PTPRN2: variants seen among roughly 807,000 people sequenced by gnomAD.
PTPRN2 encodes receptor-type tyrosine-protein phosphatase N2.
PTPRN2 carries 74 observed loss-of-function variants against 118.8 expected under a neutral mutation model. The ratio of observed to expected loss-of-function variants is 0.62; its 90% CI spans 0.52 to 0.76. PTPRN2 has a LOEUF of 0.76. Ranked by LOEUF, PTPRN2 falls within the 30% of genes least tolerant of loss-of-function variation. The pLI, the probability that PTPRN2 is intolerant of heterozygous loss-of-function variation, is 0.00. For missense variants in PTPRN2, 1,481 were observed against 1,394.4 expected (o/e 1.06, Z -0.99); for synonymous variants, 641 against 608.0 (o/e 1.05, Z -0.80).
chr7:158,185,968 G>A lies in PTPRN2; in HGVS notation c.549+6359C>T, dbSNP rs139615082. Among the ~76,000 whole-genome samples, 260 of 151,826 alleles carry A rather than the reference G, an allele frequency of 1.7e-3. 2 individuals are homozygous for A. The highest frequency in any genetic ancestry group is 6.0e-3 in the African/African-American group (249 of 41,412). On this transcript the variant is annotated intron_variant, in intron 5 of 22. Coordinates refer to ENST00000389418, the MANE Select transcript of PTPRN2 (RefSeq NM_002847.5). ...CCCCAGTCTTCAGAAGGCCACATGG[G>A]GCACTCCATAGAGGCCTGGTGCTCC...
chr7:157,645,794 G>A (rs1805032506), intron 14 of PTPRN2, among the ~76,000 whole-genome samples: 1 of 152,288 alleles, frequency 6.6e-6, no homozygotes, highest in South Asian at 2.1e-4. Context: ...CCCCTGCCGT[G>A]GTTACCTTCC....
chr7:158,164,612 C>T (rs1176325375), intron 6 of PTPRN2, among the ~76,000 whole-genome samples: 1 of 152,118 alleles, frequency 6.6e-6, no homozygotes, highest in African/African-American at 2.4e-5. Context: ...CACCCTCACC[C>T]GGCTCTCCAG....
At position 157,568,952 on chromosome 7, in the gene PTPRN2, C is replaced by G; in HGVS notation, c.2852G>C (p.Arg951Pro). Residue 951 changes from arginine (R) to proline (P), a missense_variant, in exon 21 of 23, where the codon CGG (arginine) becomes CCG (proline). Physicochemically the swap from Arg to Pro is moderately radical, Grantham distance 103 (BLOSUM62 -2). Around this residue, in one of 3 missense-constraint regions of PTPRN2, gnomAD observed 362 missense variants for 384.1 expected, o/e 0.94. Coordinates refer to ENST00000389418, the MANE Select transcript of PTPRN2 (RefSeq NM_002847.5). ...GTCGATCAGGACGTAGGTGCCGCTC[C>G]GGCCTGCACCGTCACTGCCAACAGA... ...IIVHCSDGAG[R>P]SGTYVLIDMV... The G allele has an allele frequency of 6.4e-7, 1 of 1,574,254 alleles. No homozygotes were observed. The highest frequency in any genetic ancestry group is 8.7e-7 in the Non-Finnish European group (1 of 1,144,022).
At chr7:158,173,359 G>T (rs77781785) in intron 5 of PTPRN2, among the ~76,000 whole-genome samples, 3,138 of 152,258 alleles carry the variant, frequency 0.021, 98 homozygotes, top group African/African-American at 0.072. Flanking sequence ...GCCTTCAGGG[G>T]TAACATCACA....
intron 11 of PTPRN2, among the ~76,000 whole-genome samples, chr7:157,952,358 C>T (rs1800872692): frequency 7.3e-6 from 1 of 137,648 alleles, no homozygotes; most frequent in African/African-American, 2.8e-5. Context: ...CGAAGGGAGA[C>T]AGGCGAGGGT....
intron 2 of PTPRN2, among the ~76,000 whole-genome samples, chr7:158,473,611 C>T (rs962341509): frequency 5.9e-5 from 9 of 152,164 alleles, no homozygotes; most frequent in African/African-American, 1.9e-4. Context: ...GCGGGTGCTT[C>T]GTAAACTGCA....
chr7:158,584,168 G>C (rs758962423), intron 1 of PTPRN2, among the ~76,000 whole-genome samples: 17 of 152,186 alleles, frequency 1.1e-4, no homozygotes, highest in Admixed American at 8.5e-4. Flanking sequence ...TGCATGAAAG[G>C]CTGACTCTAT....
At chr7:158,314,210 A>T (rs1802102887) in intron 3 of PTPRN2, among the ~76,000 whole-genome samples, 1 of 152,178 alleles carries the variant, frequency 6.6e-6, no homozygotes, top group East Asian at 1.9e-4. Flanking sequence ...TGAAAGAGTC[A>T]CGCCCATTCT....
chr7:157,836,901 T>G (rs1216737042), intron 12 of PTPRN2, among the ~76,000 whole-genome samples: 1 of 151,356 alleles, frequency 6.6e-6, no homozygotes, highest in Non-Finnish European at 1.5e-5. Flanking sequence ...TACTCATCCA[T>G]CTACCCACCC....
chr7:158,138,549 G>C (rs764017286), intron 6 of PTPRN2, 34 bp from the exon 7 acceptor site: 9 of 1,590,344 alleles, frequency 5.7e-6, no homozygotes, highest in Middle Eastern at 1.7e-4. Context: ...AGGACGTTGT[G>C]GGTGGACGAA....
At chr7:157,783,678 C>T (rs751129938) in intron 12 of PTPRN2, among the ~76,000 whole-genome samples, 6 of 151,760 alleles carry the variant, frequency 4.0e-5, no homozygotes, top group East Asian at 1.9e-4. Context: ...GCAGAGAAGA[C>T]GCCCTGGCAG....
chr7:157,776,303 T>TCTC (rs1457615390), intron 12 of PTPRN2, among the ~76,000 whole-genome samples: 1 of 30,638 alleles, frequency 3.3e-5, no homozygotes, highest in Non-Finnish European at 6.5e-5. Flanking sequence ...TCCTTCTCCC[T>TCTC]CTCCTCTTCC....
intron 12 of PTPRN2, among the ~76,000 whole-genome samples, chr7:157,701,364 C>T (rs1393959937): frequency 6.6e-6 from 1 of 152,146 alleles, no homozygotes; most frequent in East Asian, 1.9e-4. Context: ...AAGCCTCCCC[C>T]CAGTAATAAT....
At chr7:157,774,184 C>A (rs1271470441) in intron 12 of PTPRN2, among the ~76,000 whole-genome samples, 1 of 152,156 alleles carries the variant, frequency 6.6e-6, no homozygotes, top group Non-Finnish European at 1.5e-5. Flanking sequence ...GTCTATATGA[C>A]AAAAACAGAC....
chr7:158,575,300 T>A (rs886113819), intron 1 of PTPRN2, among the ~76,000 whole-genome samples: 34 of 152,362 alleles, frequency 2.2e-4, no homozygotes, highest in African/African-American at 7.7e-4. Flanking sequence ...AAATATTAAA[T>A]CATTAAACAA....
chr7:158,503,809 T>A (rs1269573839), intron 1 of PTPRN2, among the ~76,000 whole-genome samples: 2 of 152,156 alleles, frequency 1.3e-5, no homozygotes, highest in Non-Finnish European at 2.9e-5. Flanking sequence ...TAGACCAGCC[T>A]GGCCAACGTG....
chr7:158,273,478 A>G lies in PTPRN2; in HGVS notation c.277+43341T>C, dbSNP rs1312233984. The stretch of plus-strand genomic sequence containing the variant: ...CGCAGACGCAGGGGGAGCCGCAGGC[A>G]CAGGGGGAGCCGCAGGCACAGGGGG... On this transcript the variant is annotated intron_variant, in intron 3 of 22. Transcript: ENST00000389418. 5.7e-4 allele frequency among the ~76,000 whole-genome samples: 73 copies of G among 129,060 alleles called. 6 individuals carry two copies. The highest frequency in any genetic ancestry group is 1.9e-3 in the African/African-American group (52 of 27,476). 84.7% of individuals were successfully genotyped at this position (129,060 alleles called of 152,430 possible). A position where few individuals can be genotyped will look rare whatever the true frequency, so the allele number is the denominator to read the frequency against.
chr7:157,700,841 C>A (rs1000426020), intron 12 of PTPRN2, among the ~76,000 whole-genome samples: 3 of 152,226 alleles, frequency 2.0e-5, no homozygotes, highest in Non-Finnish European at 4.4e-5. Context: ...CCTGCACACT[C>A]TCTCCCCATC....
chr7:157,676,495 A>G lies in PTPRN2; in HGVS notation c.2001+6230T>C, dbSNP rs930831646. 2.6e-5 allele frequency among the ~76,000 whole-genome samples: 4 copies of G among 152,182 alleles called. No homozygotes were observed. Among genetic ancestry groups the G allele is most frequent in the African/African-American group, 7.2e-5 (3 of 41,448 alleles). Reference sequence around the variant, plus strand: ...ATCAACCGAGAAAAGAAAGGATGTCACCTTTTCCCAAATCTCCCACAGTGC... The same window carrying G: ...ATCAACCGAGAAAAGAAAGGATGTCGCCTTTTCCCAAATCTCCCACAGTGC... On this transcript the variant is annotated intron_variant, in intron 13 of 22. Coordinates refer to ENST00000389418, the MANE Select transcript of PTPRN2 (RefSeq NM_002847.5). This position sits in a 1 kb window ranked among gnomAD's most constrained non-coding sequence, Gnocchi z 5.6.
Sources: gnomAD v4.1 joint callset for allele counts (sites outside exome capture counted in the v4.1 genomes callset) on GRCh38, gnomAD v4.1.1 for gene constraint, gnomAD v4.1.1 regional missense constraint, Gnocchi (gnomAD v3.1) non-coding constraint, MANE v1.5 for transcripts, NCBI Gene and HGNC (gene_info 2026-07-23, HGNC 2026-07-21) for gene names.